The following INTS1 variants were observed in gnomAD, a reference collection of about 807,000 sequenced individuals.
INTS1 encodes integrator complex subunit 1.
In INTS1, 137 loss-of-function variants were observed where a neutral mutation model predicts 241.6. The ratio of observed to expected loss-of-function variants is 0.57; its 90% CI spans 0.49 to 0.65. The LOEUF (loss-of-function observed/expected upper bound fraction) is 0.65, where lower values mean the gene tolerates loss of function less well. INTS1 is among the 30% of genes least tolerant of loss of function. INTS1 has a pLI of 0.00. For synonymous variants in INTS1, 1,692 were observed against 1,337.8 expected (o/e 1.26, Z -5.78); for missense variants, 3,073 against 3,032.2 (o/e 1.01, Z -0.32).
intron 22 of INTS1, among the ~76,000 whole-genome samples, chr7:1,485,806 GA>G (rs1295405768): frequency 6.6e-6 from 1 of 152,172 alleles, no homozygotes; most frequent in Non-Finnish European, 1.5e-5. Context: ...ACACTCATTT[GA>G]TTTTTACTTT....
rs1262284084 is a variant in INTS1, at chr7:1,502,884, G to A, written c.349+17C>T. Reference sequence around the variant, plus strand: ...GAGCTGAGGGGTGTTCTCGGGGGATGTCCACAGACTCATTACCTTCAATTG... The same window carrying A: ...GAGCTGAGGGGTGTTCTCGGGGGATATCCACAGACTCATTACCTTCAATTG... On this transcript the variant is annotated intron_variant, in intron 3 of 47. Coordinates refer to ENST00000404767, the MANE Select transcript of INTS1 (RefSeq NM_001080453.3). 1.2e-6 allele frequency: 2 copies of A among 1,613,176 alleles called. No individual in the cohort carries two copies. Among genetic ancestry groups the A allele is most frequent in the Admixed American group, 1.7e-5 (1 of 59,958 alleles).
At chr7:1,494,557 G>A (rs1782751820) in intron 14 of INTS1, 10 of 557,614 alleles carry the variant, frequency 1.8e-5, no homozygotes, top group South Asian at 1.0e-4. Flanking sequence ...ACTGGAAGGC[G>A]GGGGTCCGGG....
At chr7:1,478,536 G>A in intron 32 of INTS1, 30 bp from the exon 33 acceptor site, 1 of 1,601,742 alleles carries the variant, frequency 6.2e-7, no homozygotes, top group Non-Finnish European at 8.5e-7. Flanking sequence ...GTGCCCTGTG[G>A]CTCCAGCCCT....
intron 45 of INTS1, 139 bp from the exon 46 acceptor site, chr7:1,471,363 A>G (rs1463354358): frequency 9.7e-7 from 1 of 1,031,468 alleles, no homozygotes; most frequent in East Asian, 2.6e-5. Context: ...CGCACGTGCC[A>G]CTGGCCGGTC....
chr7:1,471,670 C>T, intron 44 of INTS1, 29 bp from the exon 45 acceptor site: 2 of 1,608,542 alleles, frequency 1.2e-6, no homozygotes, highest in Non-Finnish European at 1.7e-6. Flanking sequence ...CAGACCAGAA[C>T]TGAAGGGCCC....
At chr7:1,471,956 G>A (rs1385005209) in intron 44 of INTS1, among the ~76,000 whole-genome samples, 1 of 152,176 alleles carries the variant, frequency 6.6e-6, no homozygotes, top group Non-Finnish European at 1.5e-5. Flanking sequence ...CTCTGACAGC[G>A]GCCACCGGTA....
In INTS1 at chr7:1,473,637, G is replaced by T; in HGVS notation, c.5886C>A (p.Phe1962Leu). 6.2e-7 allele frequency: 1 copy of T among 1,613,384 alleles called. No homozygotes were observed. Among genetic ancestry groups the T allele is most frequent in the South Asian group, 1.1e-5 (1 of 91,042 alleles). ...LAAFINKFVQ[F>L]IHKYITYNAP... Reference sequence around the variant, plus strand: ...CATTGTAGGTAATGTACTTATGGATGAACTGCACAAACTTGTTGATGAAGG... The same window carrying T: ...CATTGTAGGTAATGTACTTATGGATTAACTGCACAAACTTGTTGATGAAGG... The change falls in exon 42 of 48, where the codon TTC becomes TTA. Residue 1962 changes from phenylalanine to leucine, a missense_variant. By Grantham distance (22) the Phe-to-Leu change is conservative. Transcript: ENST00000404767.
In INTS1 at chr7:1,481,498, C is replaced by T. The variant is rs1467078321; in HGVS notation, c.3704-10G>A. On this transcript the variant is annotated splice_polypyrimidine_tract_variant and intron_variant, in intron 27 of 47. Transcript: ENST00000404767. The surrounding 1 kb of genome is among the most constrained non-coding windows in gnomAD (Gnocchi z 6.8). ...TCCAGGTCCTGCAGGGCTGAGGGTG[C>T]ACGCGCTCCGTAACGCCACCCAAAA... 1 of 1,600,304 alleles carries T rather than the reference C, an allele frequency of 6.2e-7. No homozygotes were observed. The highest frequency in any genetic ancestry group is 1.7e-5 in the Admixed American group (1 of 59,646).
At chr7:1,503,331 G>T in intron 2 of INTS1, 140 bp from the exon 3 acceptor site, 1 of 866,556 alleles carries the variant, frequency 1.2e-6, no homozygotes, top group Non-Finnish European at 1.7e-6. Context: ...TCACTCAGCA[G>T]CCTACAGCAG....
Position 1,470,956 on chromosome 7 carries a change from C to G in INTS1, c.6348-1G>C. ...CGTGGGCAGGAAAGCGGCTGCAATG[C>G]TGAAAGACCCACACACTTCAGTGGG... On this transcript the variant is annotated splice_acceptor_variant, in intron 46 of 47. Transcript: ENST00000404767. LOFTEE classifies it high-confidence loss of function. 1 of 1,558,270 alleles carries G rather than the reference C, an allele frequency of 6.4e-7. No individual in the cohort carries two copies.
chr7:1,478,947 A>G, intron 31 of INTS1, 62 bp from the exon 32 acceptor site: 1 of 1,529,476 alleles, frequency 6.5e-7, no homozygotes, highest in Non-Finnish European at 8.8e-7. Flanking sequence ...CCGGCACCCG[A>G]GGCCCAGAGC....
intron 35 of INTS1, among the ~76,000 whole-genome samples, chr7:1,477,129 G>A (rs1308490437): frequency 2.0e-5 from 3 of 152,236 alleles, no homozygotes; most frequent in African/African-American, 2.4e-5. Flanking sequence ...GCCACACAGC[G>A]GAGGTGCCCG....
intron 16 of INTS1, among the ~76,000 whole-genome samples, chr7:1,491,315 C>A (rs143846424): frequency 6.6e-6 from 1 of 152,164 alleles, no homozygotes; most frequent in African/African-American, 2.4e-5. Flanking sequence ...GTGCGACTTC[C>A]GACACGAAGC....
At position 1,473,654 on chromosome 7, in the gene INTS1, T is replaced by C. The variant is rs745863769; in HGVS notation, c.5869A>G (p.Asn1957Asp). Residue 1957 changes from asparagine (N) to aspartate (D), a missense_variant, in exon 42 of 48, where the codon AAC (asparagine) becomes GAC (aspartate). Coordinates refer to ENST00000404767, the MANE Select transcript of INTS1 (RefSeq NM_001080453.3). ...KSSRHLAAFI[N>D]KFVQFIHKYI... ...TTATGGATGAACTGCACAAACTTGT[T>C]GATGAAGGCAGCCAGATGGCGGGAG... 2.5e-6 allele frequency: 4 copies of C among 1,613,314 alleles called. No individual in the cohort carries two copies. In the East Asian group the frequency reaches 8.9e-5, roughly 36 times the overall value.
At chr7:1,487,171 A>T in intron 20 of INTS1, 70 bp from the exon 21 acceptor site, 2 of 1,520,452 alleles carry the variant, frequency 1.3e-6, no homozygotes, top group Non-Finnish European at 1.8e-6. Flanking sequence ...CCCCCGGGTG[A>T]CCGCGGAGCC....
rs1304981026 is a variant in INTS1, at chr7:1,470,472, ACCT to A, written c.*102_*104del. The A allele has an allele frequency of 2.3e-6, 2 of 869,588 alleles. No individual in the cohort carries two copies. The highest frequency in any genetic ancestry group is 3.7e-5 in the South Asian group (2 of 53,564). 53.9% of individuals were successfully genotyped at this position (869,588 alleles called of 1,614,324 possible). On this transcript the variant is annotated 3_prime_UTR_variant, in exon 48 of 48. Coordinates refer to ENST00000404767, the MANE Select transcript of INTS1 (RefSeq NM_001080453.3). ...CCTGGCCTCAGGGCTCGGCGCCCTC[ACCT>A]CCTCGGACAGACCAGCAACGCCCAC...
rs534245844 is a variant in INTS1, at chr7:1,487,862, T to C, written c.2414A>G (p.Glu805Gly). 1.2e-6 allele frequency: 2 copies of C among 1,613,604 alleles called. No homozygotes were observed. The highest frequency in any genetic ancestry group is 1.7e-5 in the Admixed American group (1 of 60,026). ...CAGGTGCCCCTCGAAGGCCAGGATC[T>C]CCTGCTTCTCCCGCTGGGCGGTCTG... ...ELQTAQREKQEILAFEGHLAA... is the reference protein window; with the variant it reads ...ELQTAQREKQGILAFEGHLAA... The change falls in exon 19 of 48, where the codon GAG (glutamate) becomes GGG (glycine). Residue 805 changes from glutamate (E) to glycine (G), a missense_variant. Transcript: ENST00000404767.
In INTS1 at chr7:1,493,141, G is replaced by C. The variant is rs1782665067; in HGVS notation, c.2069-35C>G. 1 of 1,561,904 alleles carries C rather than the reference G, an allele frequency of 6.4e-7. No homozygotes were observed. The highest frequency in any genetic ancestry group is 2.2e-5 in the East Asian group (1 of 44,488). Reference sequence around the variant, plus strand: ...AGAGCCACACATGGGTTCTGGGGCTGCTCACAGACCATCAGGCACAGGCAG... The same window carrying C: ...AGAGCCACACATGGGTTCTGGGGCTCCTCACAGACCATCAGGCACAGGCAG... On this transcript the variant is annotated intron_variant, in intron 15 of 47. Coordinates refer to ENST00000404767, the MANE Select transcript of INTS1 (RefSeq NM_001080453.3). The surrounding 1 kb of genome is among the most constrained non-coding windows in gnomAD (Gnocchi z 5.3).
intron 39 of INTS1, among the ~76,000 whole-genome samples, chr7:1,475,694 C>G (rs781376675): frequency 2.6e-5 from 4 of 151,212 alleles, no homozygotes; most frequent in Non-Finnish European, 5.9e-5. Context: ...AACCAACGGC[C>G]GATCCACACA....
Sources: gnomAD v4.1 joint callset for allele counts (sites outside exome capture counted in the v4.1 genomes callset) on GRCh38, gnomAD v4.1.1 for gene constraint, Gnocchi (gnomAD v3.1) non-coding constraint, MANE v1.5 for transcripts, NCBI Gene and HGNC (gene_info 2026-07-23, HGNC 2026-07-21) for gene names.